SLC35B3: variants seen among roughly 807,000 people sequenced by gnomAD.
SLC35B3 encodes the protein solute carrier family 35 member B3.
Under a neutral mutation model 44.1 loss-of-function variants are expected in SLC35B3, and 35 were observed. The ratio of observed to expected loss-of-function variants is 0.79; its 90% confidence interval spans 0.61 to 1.05. The LOEUF (loss-of-function observed/expected upper bound fraction) is 1.05. Among genes scored for constraint, SLC35B3 ranks in the 50% least tolerant of loss-of-function variants. SLC35B3 has a pLI of 0.00. For synonymous variants in SLC35B3, 146 were observed against 167.3 expected, an observed-to-expected ratio of 0.87 and a Z score of 0.98; for missense variants, 414 against 476.4, an observed-to-expected ratio of 0.87 and a Z score of 1.22.
At position 8,422,681 on chromosome 6, in the gene SLC35B3, G is replaced by T. The variant is rs1763014848; in HGVS notation, c.420-57C>A. On this transcript the variant is annotated intron_variant, in intron 4 of 10. Coordinates refer to ENST00000644923, the MANE Select transcript of SLC35B3 (RefSeq NM_001370476.2). ...TGGGACCCAATTCATACTACTAAAAGATAATGTGTTCACATTGTGTAAATG... is the reference window on the plus strand; with the variant it reads ...TGGGACCCAATTCATACTACTAAAATATAATGTGTTCACATTGTGTAAATG... 3.0e-6 allele frequency: 4 copies of T among 1,345,826 alleles called. No individual in the cohort carries two copies. The African/African-American group carries it at 5.9e-5, about 20-fold the overall frequency. The allele number at this position is 1,345,826 out of a possible 1,614,324, so 83.4% of individuals were successfully genotyped here.
At chr6:8,418,129 A>C (rs565891390) in intron 7 of SLC35B3, among the ~76,000 whole-genome samples, 1 of 152,298 alleles carries the variant, frequency 6.6e-6, no homozygotes, top group Non-Finnish European at 1.5e-5. Context: ...TGAAGAAACT[A>C]TAACTTAGAG....
rs1175629840 is a variant in SLC35B3, at chr6:8,435,381, C to G, written c.-82G>C. 1 of 1,288,722 alleles carries G rather than the reference C, an allele frequency of 7.8e-7. No homozygotes were observed. Among genetic ancestry groups the G allele is most frequent in the Non-Finnish European group, 1.0e-6 (1 of 988,842 alleles). The allele number at this position is 1,288,722 out of a possible 1,614,324, so 79.8% of individuals were successfully genotyped here. On this transcript the variant is annotated 5_prime_UTR_variant, in exon 1 of 11. Coordinates refer to ENST00000644923, the MANE Select transcript of SLC35B3 (RefSeq NM_001370476.2). The surrounding 1 kb of genome is among the most constrained non-coding windows in gnomAD (Gnocchi z 5.5). ...TGTCACCCGGAAGGGTGACGGCAGC[C>G]TGCGTGGCGTCTGAGCTAGACGGAG...
chr6:8,416,000 T>A (rs968140767), intron 9 of SLC35B3, among the ~76,000 whole-genome samples: 1 of 152,170 alleles, frequency 6.6e-6, no homozygotes, highest in African/African-American at 2.4e-5. Flanking sequence ...AGAGGCAGTA[T>A]AATGTATGGT....
chr6:8,422,668 C>T (rs1328893313), intron 4 of SLC35B3, 44 bp from the exon 4 acceptor site: 2 of 1,465,250 alleles, frequency 1.4e-6, no homozygotes, highest in Admixed American at 1.9e-5. Flanking sequence ...GGACCCAATT[C>T]ATACTACTAA....
intron 7 of SLC35B3, among the ~76,000 whole-genome samples, chr6:8,418,333 A>C (rs1006463487): frequency 1.3e-5 from 2 of 152,102 alleles, no homozygotes; most frequent in African/African-American, 4.8e-5. Context: ...ATTCTTAACC[A>C]AGTTCCTGTG....
intron 4 of SLC35B3, among the ~76,000 whole-genome samples, chr6:8,426,619 G>A (rs924149708): frequency 5.9e-5 from 9 of 152,170 alleles, no homozygotes; most frequent in African/African-American, 1.2e-4. Flanking sequence ...ATGTGGAACT[G>A]TAAGTTCAAT....
At chr6:8,428,462 T>TA in intron 3 of SLC35B3, among the ~76,000 whole-genome samples, 1 of 152,262 alleles carries the variant, frequency 6.6e-6, no homozygotes. Context: ...CATACATCTA[T>TA]AAAAAACACT....
Position 8,419,525 on chromosome 6 carries a change from G to T in SLC35B3, c.780+55C>A. Reference sequence around the variant, plus strand: ...TAATAATTATTTCATCAAATTACGTGTATCACCATTTTTTAAATCTGTCTA... The same window carrying T: ...TAATAATTATTTCATCAAATTACGTTTATCACCATTTTTTAAATCTGTCTA... On this transcript the variant is annotated intron_variant, in intron 7 of 10. Coordinates refer to ENST00000644923, the MANE Select transcript of SLC35B3 (RefSeq NM_001370476.2). The surrounding 1 kb of genome is among the most constrained non-coding windows in gnomAD (Gnocchi z 4.3). 1.1e-6 allele frequency: 1 copy of T among 872,928 alleles called. No individual in the cohort carries two copies. The highest frequency in any genetic ancestry group is 1.8e-6 in the Non-Finnish European group (1 of 567,870). The allele number at this position is 872,928 out of a possible 1,614,324, so 54.1% of individuals were successfully genotyped here. A position where few individuals can be genotyped will look rare whatever the true frequency, so the allele number is the denominator to read the frequency against.
rs749592058 is a variant in SLC35B3 at position 8,419,533 on chromosome 6, A to G, written c.780+47T>C. On this transcript the variant is annotated intron_variant, in intron 7 of 10. Coordinates refer to ENST00000644923, the MANE Select transcript of SLC35B3 (RefSeq NM_001370476.2). The surrounding 1 kb of genome is among the most constrained non-coding windows in gnomAD (Gnocchi z 4.3). ...ATTTCATCAAATTACGTGTATCACCATTTTTTAAATCTGTCTAATTTGAAG... is the reference window on the plus strand; with the variant it reads ...ATTTCATCAAATTACGTGTATCACCGTTTTTTAAATCTGTCTAATTTGAAG... 6 of 1,008,688 alleles carry G rather than the reference A, an allele frequency of 5.9e-6. No individual in the cohort carries two copies. The South Asian group carries it at 1.0e-4, about 18-fold the overall frequency. The allele number at this position is 1,008,688 out of a possible 1,614,324, so 62.5% of individuals were successfully genotyped here.
chr6:8,430,225 A>G, intron 2 of SLC35B3, 68 bp from the exon 2 acceptor site: 1 of 1,339,032 alleles, frequency 7.5e-7, no homozygotes, highest in Admixed American at 2.5e-5. Flanking sequence ...AATATTCCAA[A>G]TCATACTTTA....
At chr6:8,429,612 A>G (rs1763764796) in intron 3 of SLC35B3, among the ~76,000 whole-genome samples, 1 of 152,152 alleles carries the variant, frequency 6.6e-6, no homozygotes, top group African/African-American at 2.4e-5. Flanking sequence ...ATTTTGTTAA[A>G]TATTTAAAAC....
At chr6:8,429,622 C>G in intron 3 of SLC35B3, 1 of 297,778 alleles carries the variant, frequency 3.4e-6, no homozygotes, top group Non-Finnish European at 6.1e-6. Flanking sequence ...ATATTTAAAA[C>G]TTAATTTTCA....
intron 3 of SLC35B3, among the ~76,000 whole-genome samples, chr6:8,429,450 A>G (rs946027576): frequency 1.3e-5 from 2 of 152,164 alleles, no homozygotes; most frequent in Admixed American, 1.3e-4. Context: ...TTAAAGAGAT[A>G]CCTTTAGAAA....
chr6:8,435,518 G>T lies in SLC35B3; in HGVS notation c.-219C>A. ...CTCCCCGGAAAGCACTCTCAACTCCGGCGCCCGCAGGCCACTTCCGCCTAT... is the reference window on the plus strand; with the variant it reads ...CTCCCCGGAAAGCACTCTCAACTCCTGCGCCCGCAGGCCACTTCCGCCTAT... On this transcript the variant is annotated 5_prime_UTR_variant, in exon 1 of 11. Coordinates refer to ENST00000644923, the MANE Select transcript of SLC35B3 (RefSeq NM_001370476.2). This position sits in a 1 kb window ranked among gnomAD's most constrained non-coding sequence, Gnocchi z 5.5. 3.7e-6 allele frequency: 2 copies of T among 547,888 alleles called. No homozygotes were observed. The highest frequency in any genetic ancestry group is 5.8e-6 in the Non-Finnish European group (2 of 345,118). The allele number at this position is 547,888 out of a possible 1,614,324, so 33.9% of individuals were successfully genotyped here.
intron 2 of SLC35B3, among the ~76,000 whole-genome samples, chr6:8,431,897 A>G (rs1764025270): frequency 6.6e-6 from 1 of 152,104 alleles, no homozygotes; most frequent in Admixed American, 6.5e-5. Context: ...GCCCTAAACC[A>G]CCCATGTTTC....
Position 8,429,860 on chromosome 6 carries a change from T to C in SLC35B3, c.297+4A>G. 6.5e-7 allele frequency: 1 copy of C among 1,540,672 alleles called. No individual in the cohort carries two copies. Among genetic ancestry groups the C allele is most frequent in the Non-Finnish European group, 8.8e-7 (1 of 1,135,144 alleles). On this transcript the variant is annotated splice_donor_region_variant and intron_variant, in intron 3 of 10. Coordinates refer to ENST00000644923, the MANE Select transcript of SLC35B3 (RefSeq NM_001370476.2). ...AACATATTACAAACATATAACTTTT[T>C]TACCTGTAAATACCCATAAATTAGG...
rs1488635057 is a variant in SLC35B3 at position 8,412,540 on chromosome 6, CATG to C, written c.*1006_*1008del. Among the ~76,000 whole-genome samples the C allele has an allele frequency of 6.6e-6, 1 of 152,174 alleles. No individual in the cohort carries two copies. The highest frequency in any genetic ancestry group is 2.4e-5 in the African/African-American group (1 of 41,438). ...AAATTTTTCTTACTACACATACTTA[CATG>C]ATGCAGAATGATGTCTGTTTTTACT... is the stretch of plus-strand genomic sequence containing the variant. On this transcript the variant is annotated 3_prime_UTR_variant, in exon 11 of 11. Coordinates refer to ENST00000644923, the MANE Select transcript of SLC35B3 (RefSeq NM_001370476.2).
Position 8,420,036 on chromosome 6 carries a change from G to T in SLC35B3, c.683-359C>A. Among the ~76,000 whole-genome samples the T allele has an allele frequency of 6.8e-6, 1 of 146,810 alleles. No homozygotes were observed. Among genetic ancestry groups the T allele is most frequent in the Non-Finnish European group, 1.5e-5 (1 of 66,728 alleles). On this transcript the variant is annotated intron_variant, in intron 6 of 10. Transcript: ENST00000644923. This position sits in a 1 kb window ranked among gnomAD's most constrained non-coding sequence, Gnocchi z 4.4. Reference sequence around the variant, plus strand: ...ATCTATTGGGATTGGTGGCTATTCAGTTAATTAAAAAAAAAAAAAACAGAT... The same window carrying T: ...ATCTATTGGGATTGGTGGCTATTCATTTAATTAAAAAAAAAAAAAACAGAT...
intron 3 of SLC35B3, among the ~76,000 whole-genome samples, chr6:8,428,968 C>T (rs1763699931): frequency 6.6e-6 from 1 of 152,106 alleles, no homozygotes; most frequent in Non-Finnish European, 1.5e-5. Context: ...ATTCCATGTT[C>T]ACTTACATTT....
Sources: gnomAD v4.1 joint callset for allele counts (sites outside exome capture counted in the v4.1 genomes callset) on GRCh38, gnomAD v4.1.1 for gene constraint, Gnocchi (gnomAD v3.1) non-coding constraint, MANE v1.5 for transcripts, NCBI Gene and HGNC (gene_info 2026-07-23, HGNC 2026-07-21) for gene names.